The following SELENOF variants were observed in gnomAD, a reference collection of about 807,000 sequenced individuals.
SELENOF encodes the protein selenoprotein F, also known as 15 kDa selenoprotein.
SELENOF carries 16 observed loss-of-function variants against 20.5 expected under a neutral mutation model. The ratio of observed to expected loss-of-function variants is 0.78; its 90% CI spans 0.53 to 1.19. SELENOF has a LOEUF of 1.19. Among genes scored for constraint, SELENOF ranks in the 50% most tolerant of loss-of-function variants. The pLI is 0.00. For missense variants in SELENOF, 215 were observed against 194.2 expected (o/e 1.11, Z -0.64); for synonymous variants, 78 against 74.5 (o/e 1.05, Z -0.24).
chr1:86,896,793 CTTA>C (rs770549579), intron 2 of SELENOF, among the ~76,000 whole-genome samples: 1 of 152,078 alleles, frequency 6.6e-6, no homozygotes, highest in Non-Finnish European at 1.5e-5. Flanking sequence ...GACAAGTTTC[CTTA>C]TTCTTTCAGT....
At chr1:86,900,280 C>A (rs960385454) in intron 2 of SELENOF, among the ~76,000 whole-genome samples, 4 of 152,092 alleles carry the variant, frequency 2.6e-5, no homozygotes, top group Non-Finnish European at 5.9e-5. Context: ...CACGCCACTG[C>A]ACTCCAGCCT....
At chr1:86,914,306 G>A, upstream of SELENOF, 1 of 601,078 alleles carries the variant, frequency 1.7e-6, no homozygotes, top group Non-Finnish European at 3.0e-6. Flanking sequence ...ACCCAAATCA[G>A]GCACTTGCCT....
At chr1:86,880,558 A>G in intron 3 of SELENOF, 104 bp downstream of exon 3, 2 of 612,338 alleles carry the variant, frequency 3.3e-6, no homozygotes, top group South Asian at 5.1e-5. Context: ...TTAAGAAAGT[A>G]TAATCCTAAA....
At chr1:86,909,404 T>A (rs1659919572) in intron 1 of SELENOF, among the ~76,000 whole-genome samples, 1 of 152,160 alleles carries the variant, frequency 6.6e-6, no homozygotes, top group Non-Finnish European at 1.5e-5. Context: ...TTCTGAGTCA[T>A]TTTTGTATTT....
chr1:86,891,898 G>T (rs569489225), intron 2 of SELENOF, among the ~76,000 whole-genome samples: 2 of 151,454 alleles, frequency 1.3e-5, no homozygotes, highest in South Asian at 4.2e-4. Flanking sequence ...AATGTTAGTG[G>T]TTATTATTAA....
chr1:86,909,032 G>A (rs1395731007), intron 1 of SELENOF, among the ~76,000 whole-genome samples: 1 of 152,150 alleles, frequency 6.6e-6, no homozygotes, highest in Non-Finnish European at 1.5e-5. Context: ...GAAACTCAGA[G>A]GTATCAATTA....
chr1:86,897,946 A>T (rs1429270613), intron 2 of SELENOF, among the ~76,000 whole-genome samples: 1 of 152,198 alleles, frequency 6.6e-6, no homozygotes, highest in Non-Finnish European at 1.5e-5. Flanking sequence ...CATAAACAAG[A>T]TCAATGGGAA....
intron 3 of SELENOF, among the ~76,000 whole-genome samples, chr1:86,877,027 T>C (rs1285076351): frequency 1.3e-5 from 2 of 152,180 alleles, no homozygotes; most frequent in African/African-American, 2.4e-5. Flanking sequence ...ATATAAATGT[T>C]TGATGGTTCA....
At chr1:86,883,007 T>C (rs1659115935) in intron 2 of SELENOF, among the ~76,000 whole-genome samples, 1 of 151,668 alleles carries the variant, frequency 6.6e-6, no homozygotes, top group African/African-American at 2.4e-5. Flanking sequence ...GGCGCCTTAA[T>C]CCCAGCTGCT....
intron 1 of SELENOF, among the ~76,000 whole-genome samples, chr1:86,912,386 C>T (rs1660008005): frequency 6.6e-6 from 1 of 152,158 alleles, no homozygotes; most frequent in African/African-American, 2.4e-5. Context: ...ATCATTATTA[C>T]ATATGGAATT....
intron 4 of SELENOF, among the ~76,000 whole-genome samples, chr1:86,864,749 G>T (rs1237014780): frequency 6.6e-6 from 1 of 150,898 alleles, no homozygotes; most frequent in Non-Finnish European, 1.5e-5. Flanking sequence ...CAATTCTCCT[G>T]CCTCAGCCTC....
At chr1:86,894,669 T>C (rs1016988882) in intron 2 of SELENOF, among the ~76,000 whole-genome samples, 10 of 152,044 alleles carry the variant, frequency 6.6e-5, no homozygotes, top group Admixed American at 6.6e-4. Context: ...TGAGACCTTG[T>C]CTCTACAAAA....
chr1:86,901,689 A>T (rs1659709529), intron 2 of SELENOF, among the ~76,000 whole-genome samples: 1 of 152,240 alleles, frequency 6.6e-6, no homozygotes, highest in Non-Finnish European at 1.5e-5. Context: ...TAGCTCCATT[A>T]ATAATGAAAA....
chr1:86,911,898 C>T (rs868248724), intron 1 of SELENOF, among the ~76,000 whole-genome samples: 36 of 151,930 alleles, frequency 2.4e-4, no homozygotes, highest in Middle Eastern at 3.4e-3. Flanking sequence ...ATTCTCCTGC[C>T]TCAGCCTCCC....
intron 2 of SELENOF, among the ~76,000 whole-genome samples, chr1:86,886,000 T>C (rs1219049123): frequency 6.6e-6 from 1 of 152,208 alleles, no homozygotes; most frequent in Non-Finnish European, 1.5e-5. Context: ...GCCATTATCA[T>C]GTCTACTTAA....
chr1:86,880,167 G>A (rs771915495), intron 3 of SELENOF, among the ~76,000 whole-genome samples: 9 of 149,364 alleles, frequency 6.0e-5, no homozygotes, highest in African/African-American at 1.2e-4. Flanking sequence ...ACAGAGTCTC[G>A]TTCTGTCGCC....
chr1:86,885,128 G>A (rs1374261937), intron 2 of SELENOF, among the ~76,000 whole-genome samples: 1 of 152,108 alleles, frequency 6.6e-6, no homozygotes, highest in Non-Finnish European at 1.5e-5. Flanking sequence ...GTTAGTTGAT[G>A]TTTTCCCAGT....
intron 2 of SELENOF, among the ~76,000 whole-genome samples, chr1:86,898,710 T>A (rs956957237): frequency 3.9e-5 from 6 of 151,914 alleles, no homozygotes; most frequent in African/African-American, 1.5e-4. Context: ...GCCTCCCAAG[T>A]AGCTGGGACT....
At chr1:86,873,694 T>C (rs1406022949) in intron 3 of SELENOF, among the ~76,000 whole-genome samples, 1 of 151,272 alleles carries the variant, frequency 6.6e-6, no homozygotes. Context: ...CTACAAAAAA[T>C]ACAAAAAATT....
Sources: gnomAD v4.1 joint callset for allele counts (sites outside exome capture counted in the v4.1 genomes callset) on GRCh38, gnomAD v4.1.1 for gene constraint, MANE v1.5 for transcripts, NCBI Gene and HGNC (gene_info 2026-07-23, HGNC 2026-07-21) for gene names.